The following FNBP1 variants were observed in gnomAD, a reference collection of about 807,000 sequenced individuals.
FNBP1 encodes formin binding protein 1.
In FNBP1, 26 loss-of-function variants were observed where a neutral mutation model predicts 90.6. The observed-to-expected ratio is 0.29, with a 90% CI of 0.21 to 0.40. The LOEUF (loss-of-function observed/expected upper bound fraction) is 0.40. FNBP1 is among the 10% of genes least tolerant of loss of function. The pLI is 1.00. For missense variants in FNBP1, 635 were observed against 768.0 expected (o/e 0.83, Z 2.05); for synonymous variants, 260 against 265.2 (o/e 0.98, Z 0.19).
Position 129,902,852 on chromosome 9 carries a change from C to A in FNBP1, c.1428+17G>T. Reference sequence around the variant, plus strand: ...TCTTCGTTTCCAACAAAGCTTTCCACAACAGAAGTTTCATACCTCAAATTT... The same window carrying A: ...TCTTCGTTTCCAACAAAGCTTTCCAAAACAGAAGTTTCATACCTCAAATTT... On this transcript the variant is annotated intron_variant, in intron 13 of 16. Transcript: ENST00000446176. 2 of 1,612,584 alleles carry A rather than the reference C, an allele frequency of 1.2e-6. No individual in the cohort carries two copies. The highest frequency in any genetic ancestry group is 1.7e-6 in the Non-Finnish European group (2 of 1,179,600).
upstream of FNBP1, chr9:130,044,948 AAATG>A (rs1220842272): frequency 1.3e-5 from 2 of 152,198 alleles, no homozygotes; most frequent in African/African-American, 4.8e-5. Flanking sequence ...AAATAAAATA[AAATG>A]AATAATAATA....
intron 4 of FNBP1, among the ~76,000 whole-genome samples, chr9:129,970,592 G>A (rs991334544): frequency 2.0e-5 from 3 of 152,188 alleles, no homozygotes; most frequent in Admixed American, 1.3e-4. Context: ...AAGGGATTGT[G>A]AGATTTTGTC....
upstream of FNBP1, among the ~76,000 whole-genome samples, chr9:130,045,432 G>A (rs1412445655): frequency 6.6e-6 from 1 of 152,140 alleles, no homozygotes; most frequent in Admixed American, 6.6e-5. Flanking sequence ...CAAGTTATTG[G>A]AGACTTCTCA....
At position 129,914,516 on chromosome 9, in the gene FNBP1, C is replaced by T. The variant is rs1020340177; in HGVS notation, c.1185+1450G>A. ...AAGGAAACCCTGGCAGCTGAGAAGG[C>T]CTCCTAGTCAATAGATCCAGTTTCT... is the stretch of plus-strand genomic sequence containing the variant. On this transcript the variant is annotated intron_variant, in intron 11 of 16. Transcript: ENST00000446176. Among the ~76,000 whole-genome samples the T allele has an allele frequency of 6.6e-5, 10 of 151,892 alleles. No homozygotes were observed. In the South Asian group the frequency reaches 2.1e-3, roughly 32 times the overall value.
chr9:130,031,345 A>C lies in FNBP1; in HGVS notation c.24+11607T>G, dbSNP rs565939894. Among the ~76,000 whole-genome samples the C allele has an allele frequency of 6.6e-6, 1 of 152,338 alleles. No individual in the cohort carries two copies. Among genetic ancestry groups the C allele is most frequent in the East Asian group, 1.9e-4 (1 of 5,180 alleles). On this transcript the variant is annotated intron_variant, in intron 1 of 16. Transcript: ENST00000446176. This position sits in a 1 kb window ranked among gnomAD's most constrained non-coding sequence, Gnocchi z 4.2. ...GTTCAAGGGTATTTCCCATGCTCTC[A>C]AGGTGAGGTCATAGTCCTCACATGG...
intron 6 of FNBP1, among the ~76,000 whole-genome samples, chr9:129,948,958 C>A (rs2045763723): frequency 6.6e-6 from 1 of 151,844 alleles, no homozygotes; most frequent in Non-Finnish European, 1.5e-5. Context: ...TTTTTTTTTA[C>A]AAGAGTAAGA....
intron 10 of FNBP1, among the ~76,000 whole-genome samples, chr9:129,919,465 T>G (rs369803352): frequency 6.6e-6 from 1 of 152,220 alleles, no homozygotes; most frequent in South Asian, 2.1e-4. Context: ...AGCAATAAAA[T>G]TCCCCTTTGT....
Position 130,043,103 on chromosome 9 carries a change from G to T in FNBP1, c.-128C>A. ...GCCCGGAGTCCGCGCGGCCTCCTCC[G>T]GCTCGCAGCTCCTCGCCCGGGGTCT... is the stretch of plus-strand genomic sequence containing the variant. On this transcript the variant is annotated 5_prime_UTR_variant, in exon 1 of 17. Coordinates refer to ENST00000446176, the MANE Select transcript of FNBP1 (RefSeq NM_015033.3). The T allele has an allele frequency of 1.3e-6, 1 of 795,410 alleles. No homozygotes were observed. The highest frequency in any genetic ancestry group is 1.7e-6 in the Non-Finnish European group (1 of 592,992). 49.3% of individuals were successfully genotyped at this position (795,410 alleles called of 1,614,324 possible). A position where few individuals can be genotyped will look rare whatever the true frequency, so the allele number is the denominator to read the frequency against.
intron 12 of FNBP1, among the ~76,000 whole-genome samples, chr9:129,904,153 C>T (rs375200554): frequency 4.6e-5 from 7 of 152,216 alleles, no homozygotes; most frequent in African/African-American, 9.6e-5. Flanking sequence ...GCTCACCTGA[C>T]GAAGAAGCAC....
intron 4 of FNBP1, among the ~76,000 whole-genome samples, chr9:129,967,471 C>T (rs1429246993): frequency 6.6e-6 from 1 of 152,062 alleles, no homozygotes; most frequent in Non-Finnish European, 1.5e-5. Flanking sequence ...GCCGAGATAG[C>T]GCCACTGCAC....
At chr9:129,895,182 T>G in intron 16 of FNBP1, 2 of 834,278 alleles carry the variant, frequency 2.4e-6, no homozygotes, top group Non-Finnish European at 3.0e-6. Flanking sequence ...CAGCTGGTTG[T>G]CTGGGATCAT....
intron 2 of FNBP1, among the ~76,000 whole-genome samples, chr9:129,984,279 T>TA (rs1239099523): frequency 3.3e-5 from 5 of 150,792 alleles, no homozygotes; most frequent in South Asian, 2.1e-4. Context: ...ATAAAAAAAA[T>TA]AAAAAAAATG....
At chr9:130,045,374 C>T (rs988844148), upstream of FNBP1, among the ~76,000 whole-genome samples, 1 of 152,238 alleles carries the variant, frequency 6.6e-6, no homozygotes, top group Non-Finnish European at 1.5e-5. Context: ...TAATCACCTT[C>T]CTGCCAGGGC....
In FNBP1 at chr9:130,042,199, CT is replaced by C. The variant is rs1438420737; in HGVS notation, c.24+752del. Among the ~76,000 whole-genome samples, 2 of 152,134 alleles carry C rather than the reference CT, an allele frequency of 1.3e-5. No homozygotes were observed. Among genetic ancestry groups the C allele is most frequent in the Non-Finnish European group, 2.9e-5 (2 of 68,020 alleles). On this transcript the variant is annotated intron_variant, in intron 1 of 16. Coordinates refer to ENST00000446176, the MANE Select transcript of FNBP1 (RefSeq NM_015033.3). The surrounding 1 kb of genome is among the most constrained non-coding windows in gnomAD (Gnocchi z 5.5). ...CCCGCAAGGCGCCCCTCACCGCCAA[CT>C]TTCCCCACTGGAAACTATTCTCCGA...
intron 10 of FNBP1, among the ~76,000 whole-genome samples, chr9:129,918,067 A>C (rs987156174): frequency 3.3e-5 from 5 of 152,232 alleles, no homozygotes; most frequent in Admixed American, 6.5e-5. Context: ...CTTTACGCAA[A>C]GTTATATATT....
chr9:129,979,284 T>A, intron 3 of FNBP1, 34 bp downstream of exon 3: 1 of 1,327,784 alleles, frequency 7.5e-7, no homozygotes, highest in East Asian at 2.3e-5. Flanking sequence ...ATGGCATGTG[T>A]CTATTACAAG....
intron 10 of FNBP1, among the ~76,000 whole-genome samples, chr9:129,923,501 C>A (rs55969440): frequency 6.6e-6 from 1 of 151,304 alleles, no homozygotes; most frequent in South Asian, 2.1e-4. Context: ...ATCGCTTAAA[C>A]CCGGGAGGTG....
chr9:129,898,743 C>T (rs2036276365), intron 15 of FNBP1, among the ~76,000 whole-genome samples: 1 of 152,104 alleles, frequency 6.6e-6, no homozygotes, highest in Admixed American at 6.6e-5. Context: ...CTGCCTCGGC[C>T]TCCCAAAGTG....
chr9:129,911,265 G>A (rs1564302369), intron 11 of FNBP1, among the ~76,000 whole-genome samples: 1 of 152,160 alleles, frequency 6.6e-6, no homozygotes, highest in Non-Finnish European at 1.5e-5. Flanking sequence ...GCCCAAGGCA[G>A]GATTCTGATT....
Sources: gnomAD v4.1 joint callset for allele counts (sites outside exome capture counted in the v4.1 genomes callset) on GRCh38, gnomAD v4.1.1 for gene constraint, Gnocchi (gnomAD v3.1) non-coding constraint, MANE v1.5 for transcripts, NCBI Gene and HGNC (gene_info 2026-07-23, HGNC 2026-07-21) for gene names.